Variants in CMTM4 observed in about 807,000 individuals in gnomAD.
CMTM4 encodes the protein CKLF-like MARVEL transmembrane domain-containing protein 4.
Under a neutral mutation model 19.0 loss-of-function variants are expected in CMTM4, and 8 were observed. That is an observed-to-expected ratio of 0.42 (90% CI 0.25 to 0.76). The LOEUF (loss-of-function observed/expected upper bound fraction) is 0.76, where lower values mean the gene tolerates loss of function less well. Among genes scored for constraint, CMTM4 ranks in the 30% least tolerant of loss-of-function variants. The probability of loss-of-function intolerance (pLI) is 0.27; values close to 1 mark genes in which losing one functional copy is unlikely to be tolerated. For synonymous variants in CMTM4, 106 were observed against 121.1 expected, an observed-to-expected ratio of 0.88 and a Z score of 0.82; for missense variants, 228 against 290.2, an observed-to-expected ratio of 0.79 and a Z score of 1.56.
chr16:66,627,736 G>A (rs765091477), intron 2 of CMTM4, among the ~76,000 whole-genome samples: 68 of 152,154 alleles, frequency 4.5e-4, no homozygotes, highest in Middle Eastern at 3.4e-3. Context: ...TTCTGAAGGC[G>A]TGGCCTGCCC....
In CMTM4 at chr16:66,620,060, C is replaced by T. The variant is rs1365525798; in HGVS notation, c.*1998G>A. The T allele has an allele frequency of 1.0e-6, 1 of 985,322 alleles. No individual in the cohort carries two copies. The highest frequency in any genetic ancestry group is 1.7e-5 in the African/African-American group (1 of 57,244). The allele number at this position is 985,322 out of a possible 1,614,324, so 61.0% of individuals were successfully genotyped here. A position where few individuals can be genotyped will look rare whatever the true frequency, so the allele number is the denominator to read the frequency against. ...TGGGAAAACTTGGGCAACAAGCCCA[C>T]CTGAATGGTGTTCTTGTTTTCAATC... On this transcript the variant is annotated 3_prime_UTR_variant, in exon 4 of 4. Transcript: ENST00000394106.
chr16:66,612,465 G>A (rs940768561), downstream of CMTM4: 7 of 757,332 alleles, frequency 9.2e-6, no homozygotes, highest in Non-Finnish European at 6.5e-6. The surrounding 1 kb of genome is among the most constrained non-coding windows in gnomAD (Gnocchi z 6.0). Flanking sequence ...CCTGATGCCA[G>A]CGATCACTGG....
At chr16:66,605,049 G>A in the CMTM4 span, 28 of 1,126,574 alleles carry the variant, frequency 2.5e-5, no homozygotes, top group African/African-American at 8.3e-5. This position sits in a 1 kb window ranked among gnomAD's most constrained non-coding sequence, Gnocchi z 4.6. Context: ...GGCGGCCGCC[G>A]TGCTCCGATA....
chr16:66,679,739 G>A (rs12923811), intron 1 of CMTM4, among the ~76,000 whole-genome samples: 147 of 151,150 alleles, frequency 9.7e-4, no homozygotes, highest in Admixed American at 1.3e-3. Flanking sequence ...CAAGAGAAAC[G>A]CTTGAACCTG....
chr16:66,683,147 G>GTATATATATATGTA (rs2016952839), intron 1 of CMTM4, among the ~76,000 whole-genome samples: 1 of 96,422 alleles, frequency 1.0e-5, no homozygotes, highest in African/African-American at 4.3e-5. Context: ...ATATATATAT[G>GTATATATATATGTA]TATATATATA....
At chr16:66,642,085 C>T (rs1349596202) in intron 1 of CMTM4, among the ~76,000 whole-genome samples, 3 of 152,100 alleles carry the variant, frequency 2.0e-5, no homozygotes, top group Non-Finnish European at 1.5e-5. Context: ...ATTTTTTTGT[C>T]TGACATTGGA....
intron 1 of CMTM4, among the ~76,000 whole-genome samples, chr16:66,670,284 C>A (rs574865080): frequency 2.5e-4 from 33 of 130,002 alleles, no homozygotes; most frequent in African/African-American, 8.8e-4. Flanking sequence ...CCGTCTCTAC[C>A]AAAAAAAAAA....
At chr16:66,694,906 C>T (rs1470790402) in intron 1 of CMTM4, among the ~76,000 whole-genome samples, 1 of 152,044 alleles carries the variant, frequency 6.6e-6, no homozygotes, top group African/African-American at 2.4e-5. Flanking sequence ...TCAAAAATAC[C>T]CTCTGGCAGT....
intron 1 of CMTM4, among the ~76,000 whole-genome samples, chr16:66,657,085 AT>A (rs35197723): frequency 0.4 from 55,429 of 138,930 alleles, 11,216 homozygotes; most frequent in Middle Eastern, 0.57. Flanking sequence ...TAATTTCCTG[AT>A]TTTTTTTTTT....
Position 66,622,107 on chromosome 16 carries a change from TC to T in CMTM4, c.577del (p.Glu193SerfsTer46). The T allele has an allele frequency of 1.3e-6, 2 of 1,597,626 alleles. No individual in the cohort carries two copies. Among genetic ancestry groups the T allele is most frequent in the Non-Finnish European group, 1.7e-6 (2 of 1,171,470 alleles). On this transcript the variant is annotated frameshift_variant, in exon 4 of 4. Coordinates refer to ENST00000394106, the MANE Select transcript of CMTM4 (RefSeq NM_181521.3). LOFTEE classifies it high-confidence loss of function. The surrounding 1 kb of genome is among the most constrained non-coding windows in gnomAD (Gnocchi z 4.0). ...AGGGCGACTGTCCACATCCCTGGAC[TC>T]CGTGCGGGCTCGGATGTAGTCATTG... is the stretch of plus-strand genomic sequence containing the variant. ...STNDYIRART[E>X]SRDVDSRPEI...
chr16:66,693,413 C>T (rs1757236450), intron 1 of CMTM4, among the ~76,000 whole-genome samples: 1 of 152,098 alleles, frequency 6.6e-6, no homozygotes, highest in Non-Finnish European at 1.5e-5. Context: ...TTCTCCAAAC[C>T]GCAGAGTTAG....
chr16:66,686,891 C>CA (rs1165989989), intron 1 of CMTM4, among the ~76,000 whole-genome samples: 1 of 151,946 alleles, frequency 6.6e-6, no homozygotes, highest in African/African-American at 2.4e-5. Context: ...TTCCTAATAG[C>CA]AAAAAAACTA....
rs1272915324 is a variant in CMTM4, at chr16:66,619,284, GTGTT to G, written c.*2770_*2773del. Reference sequence around the variant, plus strand: ...AAATAAACTTTCTCTGAGGACATCAGTGTTTGCATCCATCTAAAACCACCAGAGG... The same window carrying G: ...AAATAAACTTTCTCTGAGGACATCAGTGCATCCATCTAAAACCACCAGAGG... On this transcript the variant is annotated 3_prime_UTR_variant, in exon 4 of 4. Transcript: ENST00000394106. 12 of 985,368 alleles carry G rather than the reference GTGTT, an allele frequency of 1.2e-5. No homozygotes were observed. The African/African-American group carries it at 1.9e-4, about 16-fold the overall frequency. 61.0% of individuals were successfully genotyped at this position (985,368 alleles called of 1,614,324 possible).
chr16:66,653,099 G>A (rs759504514), intron 1 of CMTM4, among the ~76,000 whole-genome samples: 9 of 152,088 alleles, frequency 5.9e-5, no homozygotes, highest in Non-Finnish European at 1.0e-4. Flanking sequence ...AGAAAGCAGT[G>A]TCGCATCCCC....
At chr16:66,652,527 T>C (rs901617039) in intron 1 of CMTM4, among the ~76,000 whole-genome samples, 1 of 152,002 alleles carries the variant, frequency 6.6e-6, no homozygotes, top group African/African-American at 2.4e-5. Flanking sequence ...TAAATAAGAG[T>C]TGAACTTTGG....
intron 2 of CMTM4, among the ~76,000 whole-genome samples, chr16:66,626,662 C>T (rs1016546815): frequency 2.1e-4 from 31 of 150,980 alleles, no homozygotes; most frequent in African/African-American, 7.3e-4. Context: ...CCCAGCTACT[C>T]GGGAGGCTGA....
intron 1 of CMTM4, among the ~76,000 whole-genome samples, chr16:66,648,520 T>G (rs1454314762): frequency 6.7e-6 from 1 of 148,768 alleles, no homozygotes; most frequent in Non-Finnish European, 1.5e-5. Flanking sequence ...TAGCTGGGCC[T>G]GGTGGCGCAT....
chr16:66,632,236 AC>A (rs1194313376), intron 2 of CMTM4, among the ~76,000 whole-genome samples: 1 of 152,146 alleles, frequency 6.6e-6, no homozygotes. Context: ...TGGGGTGAGA[AC>A]CCAAGAGCAA....
At chr16:66,602,185 C>G in the CMTM4 span, among the ~76,000 whole-genome samples, 34 of 152,288 alleles carry the variant, frequency 2.2e-4, no homozygotes, top group African/African-American at 8.2e-4. Flanking sequence ...TTGTTGGAGG[C>G]CAGGAGTTCA....
Sources: gnomAD v4.1 joint callset for allele counts (sites outside exome capture counted in the v4.1 genomes callset) on GRCh38, gnomAD v4.1.1 for gene constraint, Gnocchi (gnomAD v3.1) non-coding constraint, MANE v1.5 for transcripts, NCBI Gene and HGNC (gene_info 2026-07-23, HGNC 2026-07-21) for gene names.